The following GPC5 variants were observed in gnomAD, a reference collection of about 807,000 sequenced individuals.
The protein encoded by GPC5 is glypican 5, also known as glypican-5.
GPC5 carries 47 observed loss-of-function variants against 53.9 expected under a neutral mutation model. The observed-to-expected ratio is 0.87, with a 90% confidence interval of 0.69 to 1.11. GPC5 has a LOEUF of 1.11. Ranked by LOEUF, GPC5 falls within the 50% of genes most tolerant of loss-of-function variation. The pLI, the probability that GPC5 is intolerant of heterozygous loss-of-function variation, is 0.00. For synonymous variants in GPC5, 286 were observed against 263.3 expected, an observed-to-expected ratio of 1.09 and a Z score of -0.84; for missense variants, 748 against 713.1, an observed-to-expected ratio of 1.05 and a Z score of -0.56.
chr13:91,819,784 T>A (rs971069485), intron 5 of GPC5, among the ~76,000 whole-genome samples: 2 of 152,166 alleles, frequency 1.3e-5, no homozygotes, highest in South Asian at 2.1e-4. Context: ...TGCTGGATTA[T>A]AAGTTTTGCA....
intron 2 of GPC5, among the ~76,000 whole-genome samples, chr13:91,577,865 A>C (rs1171788414): frequency 2.0e-5 from 3 of 152,224 alleles, no homozygotes; most frequent in African/African-American, 7.2e-5. Context: ...ATGTCCACAG[A>C]TTCTTTGACA....
chr13:92,131,035 T>A (rs570143381), intron 6 of GPC5, among the ~76,000 whole-genome samples: 1 of 152,134 alleles, frequency 6.6e-6, no homozygotes, highest in Non-Finnish European at 1.5e-5. Flanking sequence ...TTTAATGGAC[T>A]AATGACTTGA....
intron 2 of GPC5, among the ~76,000 whole-genome samples, chr13:91,539,492 G>A (rs1172224742): frequency 6.6e-6 from 1 of 152,160 alleles, no homozygotes; most frequent in Non-Finnish European, 1.5e-5. Context: ...CCTAAAATCT[G>A]CCAGGTTAGC....
chr13:92,092,318 T>C (rs980201525), intron 6 of GPC5, among the ~76,000 whole-genome samples: 2 of 152,194 alleles, frequency 1.3e-5, no homozygotes, highest in African/African-American at 4.8e-5. Flanking sequence ...TGAGTTATTT[T>C]CTAGACAAAT....
intron 5 of GPC5, among the ~76,000 whole-genome samples, chr13:91,782,550 G>A (rs188582052): frequency 6.8e-4 from 104 of 152,132 alleles, no homozygotes; most frequent in African/African-American, 2.4e-3. Flanking sequence ...TGGGGGAACC[G>A]CCCCCATGAT....
At chr13:92,515,314 G>C (rs1880729082) in intron 7 of GPC5, among the ~76,000 whole-genome samples, 1 of 152,128 alleles carries the variant, frequency 6.6e-6, no homozygotes, top group Non-Finnish European at 1.5e-5. Context: ...ACCAAGATGG[G>C]AGCAGCATTT....
intron 7 of GPC5, among the ~76,000 whole-genome samples, chr13:92,847,340 A>G (rs1420989140): frequency 6.6e-6 from 1 of 152,114 alleles, no homozygotes; most frequent in Non-Finnish European, 1.5e-5. Context: ...AGCCACTGTG[A>G]TATGGTTTGG....
chr13:91,695,037 G>C (rs1038005139), intron 3 of GPC5, among the ~76,000 whole-genome samples: 1 of 152,132 alleles, frequency 6.6e-6, no homozygotes, highest in Non-Finnish European at 1.5e-5. Context: ...CAGGTCCTGC[G>C]TGAGCCTTTA....
At chr13:91,419,116 T>G (rs963155886) in intron 1 of GPC5, among the ~76,000 whole-genome samples, 1 of 152,122 alleles carries the variant, frequency 6.6e-6, no homozygotes, top group Admixed American at 6.6e-5. Flanking sequence ...ATACAAGTTA[T>G]AAAACTTCAA....
rs1020591469 is a variant in GPC5, at chr13:92,859,421, G to A, written c.1562-6861G>A. On this transcript the variant is annotated intron_variant, in intron 7 of 7. Coordinates refer to ENST00000377067, the MANE Select transcript of GPC5 (RefSeq NM_004466.6). ...GTACTGCAGACTATCACTACCATATGTCGAGACATAGATATGCATTTTTAA... is the reference window on the plus strand; with the variant it reads ...GTACTGCAGACTATCACTACCATATATCGAGACATAGATATGCATTTTTAA... Among the ~76,000 whole-genome samples the A allele has an allele frequency of 5.9e-5, 9 of 151,932 alleles. No individual in the cohort carries two copies. In the South Asian group the frequency reaches 1.9e-3, roughly 32 times the overall value.
intron 6 of GPC5, among the ~76,000 whole-genome samples, chr13:92,003,131 C>T (rs556773945): frequency 1.3e-5 from 2 of 151,930 alleles, no homozygotes; most frequent in East Asian, 3.9e-4. Flanking sequence ...GCCAACATGA[C>T]AAAACCCCGT....
At chr13:91,694,361 AT>A (rs1055106638) in intron 3 of GPC5, among the ~76,000 whole-genome samples, 1 of 152,206 alleles carries the variant, frequency 6.6e-6, no homozygotes, top group African/African-American at 2.4e-5. Context: ...AAAATGGAAA[AT>A]GCCAGTTATA....
intron 7 of GPC5, among the ~76,000 whole-genome samples, chr13:92,670,182 C>A (rs906162483): frequency 6.6e-6 from 1 of 152,022 alleles, no homozygotes; most frequent in African/African-American, 2.4e-5. Context: ...ATGTAAATGG[C>A]AGCATACCAA....
At chr13:92,799,664 G>T (rs1006436293) in intron 7 of GPC5, among the ~76,000 whole-genome samples, 1 of 151,756 alleles carries the variant, frequency 6.6e-6, no homozygotes, top group Non-Finnish European at 1.5e-5. Context: ...TTACAATTGT[G>T]ATTCTTTAGT....
intron 7 of GPC5, among the ~76,000 whole-genome samples, chr13:92,360,182 T>A (rs1170904125): frequency 6.6e-6 from 1 of 151,702 alleles, no homozygotes; most frequent in Non-Finnish European, 1.5e-5. Context: ...TCCAGAATGG[T>A]ATTGCCTAGG....
chr13:91,720,300 A>G (rs2036436115), intron 3 of GPC5, among the ~76,000 whole-genome samples: 1 of 152,182 alleles, frequency 6.6e-6, no homozygotes, highest in Admixed American at 6.5e-5. Context: ...CTTTCCACGA[A>G]TCACTGATAG....
intron 2 of GPC5, among the ~76,000 whole-genome samples, chr13:91,554,673 A>T (rs1272244453): frequency 6.6e-6 from 1 of 152,144 alleles, no homozygotes; most frequent in Non-Finnish European, 1.5e-5. Flanking sequence ...TATTAGAGTC[A>T]GTGCAAGTGC....
At chr13:92,146,227 G>A (rs982571897) in intron 7 of GPC5, among the ~76,000 whole-genome samples, 12 of 152,056 alleles carry the variant, frequency 7.9e-5, no homozygotes, top group Admixed American at 7.2e-4. Flanking sequence ...GTTCTTATGA[G>A]TATTAATATA....
intron 6 of GPC5, among the ~76,000 whole-genome samples, chr13:92,003,946 AT>A (rs1441670113): frequency 6.6e-6 from 1 of 152,202 alleles, no homozygotes; most frequent in Non-Finnish European, 1.5e-5. Context: ...CCAGAAGTGG[AT>A]TAAAAAATTA....
Sources: gnomAD v4.1 joint callset for allele counts (sites outside exome capture counted in the v4.1 genomes callset) on GRCh38, gnomAD v4.1.1 for gene constraint, MANE v1.5 for transcripts, NCBI Gene and HGNC (gene_info 2026-07-23, HGNC 2026-07-21) for gene names.